Variants in ZC2HC1B observed in about 807,000 individuals in gnomAD.
The protein encoded by ZC2HC1B is zinc finger C2HC domain-containing protein 1B.
A neutral mutation model predicts 31.0 loss-of-function variants in ZC2HC1B; 36 were observed. The ratio of observed to expected loss-of-function variants is 1.16; its 90% CI spans 0.89 to 1.54. The LOEUF (loss-of-function observed/expected upper bound fraction) is 1.54. Ranked by LOEUF, ZC2HC1B falls within the 40% of genes most tolerant of loss-of-function variation. The pLI, the probability that ZC2HC1B is intolerant of heterozygous loss-of-function variation, is 0.00. For missense variants in ZC2HC1B, 260 were observed against 268.6 expected, an observed-to-expected ratio of 0.97 and a Z score of 0.22; for synonymous variants, 73 against 88.0, an observed-to-expected ratio of 0.83 and a Z score of 0.95.
intron 5 of ZC2HC1B, 59 bp downstream of exon 5, chr6:143,898,750 G>A (rs1000921677): frequency 2.1e-5 from 33 of 1,540,772 alleles, no homozygotes; most frequent in South Asian, 1.1e-4. Flanking sequence ...GGGTGAGCCG[G>A]TAGAACTCCC....
chr6:143,925,359 T>A (rs895236163), intron 6 of ZC2HC1B, among the ~76,000 whole-genome samples: 3 of 151,236 alleles, frequency 2.0e-5, no homozygotes, highest in African/African-American at 7.3e-5. Flanking sequence ...GTATTTTTAG[T>A]AGAGACGGGG....
In ZC2HC1B at chr6:143,868,870, C is replaced by T. The variant is rs1268074430; in HGVS notation, c.28+4303C>T. On this transcript the variant is annotated intron_variant, in intron 1 of 7. Coordinates refer to ENST00000237275, the MANE Select transcript of ZC2HC1B (RefSeq NM_001013623.3). This position sits in a 1 kb window ranked among gnomAD's most constrained non-coding sequence, Gnocchi z 4.2. Reference sequence around the variant, plus strand: ...AAATGCTGATGCGAAGTCAATAAATCTTATGTCACATGATGAAGGAAAAAG... The same window carrying T: ...AAATGCTGATGCGAAGTCAATAAATTTTATGTCACATGATGAAGGAAAAAG... Among the ~76,000 whole-genome samples the T allele has an allele frequency of 6.6e-6, 1 of 152,178 alleles. No homozygotes were observed. The highest frequency in any genetic ancestry group is 1.5e-5 in the Non-Finnish European group (1 of 68,036).
chr6:143,921,876 G>T lies in ZC2HC1B; in HGVS notation c.599-15773G>T, dbSNP rs142445222. Reference sequence around the variant, plus strand: ...GAGTCCAGTACAAGTGTTCAAGGCTGCAATGAGCTATGATCGTGCCACTGC... The same window carrying T: ...GAGTCCAGTACAAGTGTTCAAGGCTTCAATGAGCTATGATCGTGCCACTGC... On this transcript the variant is annotated intron_variant, in intron 6 of 7. Transcript: ENST00000237275. The surrounding 1 kb of genome is among the most constrained non-coding windows in gnomAD (Gnocchi z 6.1). 4.8e-3 allele frequency among the ~76,000 whole-genome samples: 726 copies of T among 152,306 alleles called. 5 individuals are homozygous for T. Among genetic ancestry groups the T allele is most frequent in the Middle Eastern group, 6.8e-3 (2 of 294 alleles).
Position 143,884,495 on chromosome 6 carries a change from A to C in ZC2HC1B, c.90+130A>C. 1 of 781,598 alleles carries C rather than the reference A, an allele frequency of 1.3e-6. No homozygotes were observed. Among genetic ancestry groups the C allele is most frequent in the African/African-American group, 1.7e-5 (1 of 57,546 alleles). 48.4% of individuals were successfully genotyped at this position (781,598 alleles called of 1,614,324 possible). ...AGCAAGGGAAGAGGAAAAGTACATA[A>C]CCTATGGCTGGTGGGCCCAGAGAAC... is the stretch of plus-strand genomic sequence containing the variant. On this transcript the variant is annotated intron_variant, in intron 2 of 7. Coordinates refer to ENST00000237275, the MANE Select transcript of ZC2HC1B (RefSeq NM_001013623.3). The surrounding 1 kb of genome is among the most constrained non-coding windows in gnomAD (Gnocchi z 5.1).
chr6:143,897,383 G>A (rs1400205042), intron 4 of ZC2HC1B, among the ~76,000 whole-genome samples: 4 of 151,138 alleles, frequency 2.6e-5, no homozygotes, highest in Non-Finnish European at 4.4e-5. Context: ...AGGGGTAGTT[G>A]CCAACCTAGT....
Position 143,864,474 on chromosome 6 carries a change from A to G in ZC2HC1B, c.-66A>G, listed in dbSNP as rs1234570008. 6.7e-7 allele frequency: 1 copy of G among 1,489,508 alleles called. No individual in the cohort carries two copies. The highest frequency in any genetic ancestry group is 9.2e-7 in the Non-Finnish European group (1 of 1,092,402). The allele number at this position is 1,489,508 out of a possible 1,614,324, so 92.3% of individuals were successfully genotyped here. A position where few individuals can be genotyped will look rare whatever the true frequency, so the allele number is the denominator to read the frequency against. ...GTGGTCCTGGTTTATGTTCTTGACTAGTATGATGTTATCTGGACTGGGCTG... is the reference window on the plus strand; with the variant it reads ...GTGGTCCTGGTTTATGTTCTTGACTGGTATGATGTTATCTGGACTGGGCTG... On this transcript the variant is annotated 5_prime_UTR_variant, in exon 1 of 8. Transcript: ENST00000237275.
chr6:143,873,532 C>A (rs1225603387), intron 1 of ZC2HC1B, among the ~76,000 whole-genome samples: 1 of 152,214 alleles, frequency 6.6e-6, no homozygotes, highest in Non-Finnish European at 1.5e-5. Flanking sequence ...CCATGAGGAC[C>A]CCACCCCTGC....
At position 143,864,543 on chromosome 6, in the gene ZC2HC1B, G is replaced by T. The variant is rs1484494805; in HGVS notation, c.4G>T (p.Ala2Ser). 1 of 1,551,608 alleles carries T rather than the reference G, an allele frequency of 6.4e-7. No homozygotes were observed. The highest frequency in any genetic ancestry group is 2.4e-5 in the East Asian group (1 of 40,910). ...GTTGCTCTGAGTTAGGAACAGAATGGCTGGGGCAGAACCATTTTTGGCAGG... is the reference window on the plus strand; with the variant it reads ...GTTGCTCTGAGTTAGGAACAGAATGTCTGGGGCAGAACCATTTTTGGCAGG... M[A>S]GAEPFLADGN... Residue 2 changes from alanine (A) to serine (S), a missense_variant, in exon 1 of 8, where the codon GCT (alanine) becomes TCT (serine). By Grantham distance (99) the Ala-to-Ser change is moderately conservative. Transcript: ENST00000237275.
chr6:143,884,174 A>G lies in ZC2HC1B; in HGVS notation c.29-130A>G, dbSNP rs1190504034. 1.3e-6 allele frequency: 1 copy of G among 743,694 alleles called. No individual in the cohort carries two copies. The highest frequency in any genetic ancestry group is 2.9e-5 in the East Asian group (1 of 34,182). 46.1% of individuals were successfully genotyped at this position (743,694 alleles called of 1,614,324 possible). On this transcript the variant is annotated intron_variant, in intron 1 of 7. Coordinates refer to ENST00000237275, the MANE Select transcript of ZC2HC1B (RefSeq NM_001013623.3). This position sits in a 1 kb window ranked among gnomAD's most constrained non-coding sequence, Gnocchi z 5.1. ...GTTTACACAGGGTCTTCCCAAAGGG[A>G]AGAAGCAGTTGGTGGGGAGGGAAAA...
Position 143,885,918 on chromosome 6 carries a change from C to G in ZC2HC1B, c.91-114C>G. On this transcript the variant is annotated intron_variant, in intron 2 of 7. Transcript: ENST00000237275. The surrounding 1 kb of genome is among the most constrained non-coding windows in gnomAD (Gnocchi z 4.2). Reference sequence around the variant, plus strand: ...CTGCTGTGACCTGTTAGAGAATGAACTAGGCTCTGAGGAGCAAACATAGTC... The same window carrying G: ...CTGCTGTGACCTGTTAGAGAATGAAGTAGGCTCTGAGGAGCAAACATAGTC... 8.3e-7 allele frequency: 1 copy of G among 1,210,562 alleles called. No individual in the cohort carries two copies. Among genetic ancestry groups the G allele is most frequent in the Non-Finnish European group, 1.1e-6 (1 of 922,560 alleles). 75.0% of individuals were successfully genotyped at this position (1,210,562 alleles called of 1,614,324 possible).
Position 143,903,167 on chromosome 6 carries a change from G to T in ZC2HC1B, c.598+15G>T. ...AACCAAGTCAGGTGAGTCAAAGCAC[G>T]CATTTCATCTCTCAAATGATGGGGG... On this transcript the variant is annotated intron_variant, in intron 6 of 7. Transcript: ENST00000237275. This position sits in a 1 kb window ranked among gnomAD's most constrained non-coding sequence, Gnocchi z 4.3. 1 of 1,548,584 alleles carries T rather than the reference G, an allele frequency of 6.5e-7. No individual in the cohort carries two copies. Among genetic ancestry groups the T allele is most frequent in the Non-Finnish European group, 8.7e-7 (1 of 1,143,826 alleles).
At chr6:143,929,547 TG>T (rs1778092502) in intron 6 of ZC2HC1B, among the ~76,000 whole-genome samples, 1 of 152,200 alleles carries the variant, frequency 6.6e-6, no homozygotes, top group Non-Finnish European at 1.5e-5. Context: ...TTTCTTTTTT[TG>T]TTGTGTTCTC....
At chr6:143,900,403 AAAG>A (rs1396387480) in intron 5 of ZC2HC1B, among the ~76,000 whole-genome samples, 19 of 151,836 alleles carry the variant, frequency 1.3e-4, no homozygotes, top group Admixed American at 3.3e-4. Flanking sequence ...AAAAAAAAAA[AAAG>A]AAAAAGAAAA....
chr6:143,901,729 C>T (rs1325434166), intron 5 of ZC2HC1B, among the ~76,000 whole-genome samples: 1 of 152,048 alleles, frequency 6.6e-6, no homozygotes, highest in African/African-American at 2.4e-5. Context: ...CACAGGGGCT[C>T]CTCCTTTCCT....
intron 1 of ZC2HC1B, among the ~76,000 whole-genome samples, chr6:143,876,402 A>C (rs1777408879): frequency 1.3e-5 from 2 of 150,108 alleles, no homozygotes; most frequent in Admixed American, 6.6e-5. Flanking sequence ...ATTTTGTGTA[A>C]CTCTCTAAAC....
rs1437538428 is a variant in ZC2HC1B, at chr6:143,883,425, T to A, written c.29-879T>A. ...CTTCTTGCCTTTCTCACATCTATCT[T>A]CCACAGCTCTGTTTAATTCTTCCAA... On this transcript the variant is annotated intron_variant, in intron 1 of 7. Transcript: ENST00000237275. This position sits in a 1 kb window ranked among gnomAD's most constrained non-coding sequence, Gnocchi z 4.1. 6.6e-6 allele frequency among the ~76,000 whole-genome samples: 1 copy of A among 152,176 alleles called. No individual in the cohort carries two copies. The highest frequency in any genetic ancestry group is 1.5e-5 in the Non-Finnish European group (1 of 68,022).
intron 6 of ZC2HC1B, among the ~76,000 whole-genome samples, chr6:143,937,299 A>T (rs957099258): frequency 2.6e-5 from 4 of 152,194 alleles, no homozygotes; most frequent in Admixed American, 2.6e-4. Context: ...TAATTTGAAG[A>T]TCCAAAATAT....
Position 143,884,465 on chromosome 6 carries a change from G to A in ZC2HC1B, c.90+100G>A. The A allele has an allele frequency of 1.4e-5, 16 of 1,122,782 alleles. No individual in the cohort carries two copies. Among genetic ancestry groups the A allele is most frequent in the Non-Finnish European group, 2.0e-5 (16 of 801,432 alleles). 69.6% of individuals were successfully genotyped at this position (1,122,782 alleles called of 1,614,324 possible). The stretch of plus-strand genomic sequence containing the variant: ...TGCAAAGATTAAAGACAGATGTGGA[G>A]GGGAAGCAAGGGAAGAGGAAAAGTA... On this transcript the variant is annotated intron_variant, in intron 2 of 7. Coordinates refer to ENST00000237275, the MANE Select transcript of ZC2HC1B (RefSeq NM_001013623.3). This position sits in a 1 kb window ranked among gnomAD's most constrained non-coding sequence, Gnocchi z 5.1.
intron 4 of ZC2HC1B, among the ~76,000 whole-genome samples, chr6:143,889,084 G>T (rs2128494235): frequency 6.6e-6 from 1 of 152,078 alleles, no homozygotes; most frequent in East Asian, 1.9e-4. Flanking sequence ...ATAGCACAAG[G>T]TTGAGTGAGG....
Sources: allele counts gnomAD v4.1 joint callset (sites outside exome capture counted in the v4.1 genomes callset), GRCh38; gene constraint gnomAD v4.1.1; non-coding constraint Gnocchi (gnomAD v3.1); transcripts MANE v1.5; gene names NCBI Gene and HGNC (gene_info 2026-07-23, HGNC 2026-07-21).